Variants in MARCHF1 observed in about 807,000 individuals in gnomAD.
MARCHF1 encodes E3 ubiquitin-protein ligase MARCHF1.
Under a neutral mutation model 54.2 loss-of-function variants are expected in MARCHF1, and 40 were observed. The ratio of observed to expected loss-of-function variants is 0.74; its 90% CI spans 0.57 to 0.96. The LOEUF is 0.96. Among genes scored for constraint, MARCHF1 ranks in the 40% least tolerant of loss-of-function variants. The pLI, the probability that MARCHF1 is intolerant of heterozygous loss-of-function variation, is 0.00. For missense variants in MARCHF1, 586 were observed against 656.5 expected (o/e 0.89, Z 1.17); for synonymous variants, 236 against 236.3 (o/e 1.00, Z 0.01).
chr4:163,796,141 C>T (rs753669731), intron 4 of MARCHF1, among the ~76,000 whole-genome samples: 1 of 151,402 alleles, frequency 6.6e-6, no homozygotes, highest in Admixed American at 6.6e-5. Flanking sequence ...CAGGAAGTTC[C>T]AAGTTGTGTT....
At chr4:163,545,848 A>G in intron 8 of MARCHF1, 105 bp from the exon 9 acceptor site, 1 of 926,364 alleles carries the variant, frequency 1.1e-6, no homozygotes, top group Non-Finnish European at 1.7e-6. Context: ...AACAGTAAAT[A>G]TCTGCAATTT....
chr4:163,673,466 A>C (rs531795323), intron 5 of MARCHF1, among the ~76,000 whole-genome samples: 25 of 152,248 alleles, frequency 1.6e-4, no homozygotes, highest in Non-Finnish European at 3.2e-4. Flanking sequence ...ATGTTCCAAT[A>C]ATAAAAACAG....
rs150021875 is a variant in MARCHF1 at position 164,011,716 on chromosome 4, T to C, written c.-247-23007A>G. 3.5e-3 allele frequency among the ~76,000 whole-genome samples: 533 copies of C among 152,290 alleles called. 5 individuals carry two copies. Among genetic ancestry groups the C allele is most frequent in the African/African-American group, 0.012 (488 of 41,558 alleles). ...AGCTATTACAGAGTCAGTATGAAGG[T>C]TCCCCCAAAAAACTAAGAATAGCAC... On this transcript the variant is annotated intron_variant, in intron 2 of 9. Transcript: ENST00000514618.
At chr4:164,381,833 CAT>C (rs1731380584) in intron 1 of MARCHF1, among the ~76,000 whole-genome samples, 1 of 152,082 alleles carries the variant, frequency 6.6e-6, no homozygotes, top group South Asian at 2.1e-4. Flanking sequence ...ATCATAAAAA[CAT>C]AGTACAACAA....
chr4:164,125,700 C>A (rs1016458185), intron 1 of MARCHF1, among the ~76,000 whole-genome samples: 2 of 152,170 alleles, frequency 1.3e-5, no homozygotes, highest in South Asian at 2.1e-4. Flanking sequence ...CAGCCTGTGG[C>A]CTTTAAGAAC....
chr4:164,154,586 C>CGGGAAA (rs1303658871), intron 1 of MARCHF1, among the ~76,000 whole-genome samples: 1 of 152,170 alleles, frequency 6.6e-6, no homozygotes, highest in Non-Finnish European at 1.5e-5. Flanking sequence ...AAACCCCTTA[C>CGGGAAA]GGGACGGGAA....
intron 5 of MARCHF1, among the ~76,000 whole-genome samples, chr4:163,699,848 C>T (rs1744750558): frequency 6.6e-6 from 1 of 152,070 alleles, no homozygotes; most frequent in African/African-American, 2.4e-5. Context: ...TAAAGAATAG[C>T]TCTTACATTT....
intron 5 of MARCHF1, among the ~76,000 whole-genome samples, chr4:163,636,513 A>C (rs1427493476): frequency 1.3e-5 from 2 of 148,770 alleles, no homozygotes; most frequent in Non-Finnish European, 3.0e-5. Flanking sequence ...AAAGAGAATA[A>C]AATACCTAGG....
intron 1 of MARCHF1, among the ~76,000 whole-genome samples, chr4:164,180,901 C>A (rs1269503422): frequency 1.3e-5 from 2 of 152,190 alleles, no homozygotes; most frequent in Non-Finnish European, 2.9e-5. Flanking sequence ...AACCATGCAA[C>A]AGCCTTCTCA....
chr4:163,854,217 G>A lies in MARCHF1; in HGVS notation c.-38-48C>T. ...GAAACAGGTCACTTATTTTAGCTGT[G>A]TTTTGGAAAATACATATAATCAAAA... is the stretch of plus-strand genomic sequence containing the variant. On this transcript the variant is annotated intron_variant, in intron 3 of 9. Coordinates refer to ENST00000514618, the MANE Select transcript of MARCHF1 (RefSeq NM_001394959.1). The A allele has an allele frequency of 3.7e-6, 5 of 1,339,744 alleles. No homozygotes were observed. In the South Asian group the frequency reaches 8.1e-5, roughly 22 times the overall value. The allele number at this position is 1,339,744 out of a possible 1,614,324, so 83.0% of individuals were successfully genotyped here.
At chr4:163,787,450 T>G (rs751447464) in intron 4 of MARCHF1, among the ~76,000 whole-genome samples, 38 of 151,514 alleles carry the variant, frequency 2.5e-4, no homozygotes, top group Admixed American at 4.6e-4. Context: ...GACATACAAA[T>G]AGCCAACAAA....
Position 163,612,287 on chromosome 4 carries a change from T to G in MARCHF1, c.994A>C (p.Asn332His). The G allele has an allele frequency of 1.3e-6, 2 of 1,509,786 alleles. No individual in the cohort carries two copies. Among genetic ancestry groups the G allele is most frequent in the South Asian group, 1.3e-5 (1 of 78,816 alleles). The allele number at this position is 1,509,786 out of a possible 1,614,324, so 93.5% of individuals were successfully genotyped here. Residue 332 changes from asparagine to histidine, a missense_variant, in exon 7 of 10, where the codon AAT becomes CAT. Asn to His is a moderately conservative substitution (Grantham distance 68, BLOSUM62 1). This residue lies in a region of MARCHF1 where 387 missense variants were observed against 394.6 expected (regional missense o/e 0.98). Coordinates refer to ENST00000514618, the MANE Select transcript of MARCHF1 (RefSeq NM_001394959.1). ...GTGACTGACCTGCATACTTCTAAATTATCAGACCCATCGTCATAGGTGGCA... is the reference window on the plus strand; with the variant it reads ...GTGACTGACCTGCATACTTCTAAATGATCAGACCCATCGTCATAGGTGGCA... ...PPATYDDGSD[N>H]LEVCRICHCE...
intron 1 of MARCHF1, among the ~76,000 whole-genome samples, chr4:164,320,953 T>A (rs974359785): frequency 6.6e-6 from 1 of 152,084 alleles, no homozygotes; most frequent in East Asian, 1.9e-4. Context: ...GGAATAGAGA[T>A]CTTATACAGC....
intron 4 of MARCHF1, among the ~76,000 whole-genome samples, chr4:163,760,202 C>A (rs2110820895): frequency 6.6e-6 from 1 of 152,348 alleles, no homozygotes; most frequent in East Asian, 1.9e-4. Flanking sequence ...CATGGCTGAT[C>A]TGCTCCTTCT....
intron 4 of MARCHF1, among the ~76,000 whole-genome samples, chr4:163,777,252 A>C (rs1172239593): frequency 6.6e-6 from 1 of 152,178 alleles, no homozygotes; most frequent in Non-Finnish European, 1.5e-5. Context: ...TTTTCTGAGA[A>C]TATAAATTCC....
At chr4:164,163,621 A>C (rs1730297248) in intron 1 of MARCHF1, among the ~76,000 whole-genome samples, 1 of 151,942 alleles carries the variant, frequency 6.6e-6, no homozygotes, top group African/African-American at 2.4e-5. Context: ...ATACAACTGG[A>C]AAAATAAAGA....
chr4:164,156,416 TTG>T (rs1730078853), intron 1 of MARCHF1, among the ~76,000 whole-genome samples: 1 of 144,566 alleles, frequency 6.9e-6, no homozygotes, highest in South Asian at 2.1e-4. Flanking sequence ...ACTCAAATTC[TTG>T]TGTTTTTTTA....
At chr4:163,811,418 C>T (rs1019059311) in intron 4 of MARCHF1, among the ~76,000 whole-genome samples, 4 of 151,828 alleles carry the variant, frequency 2.6e-5, no homozygotes, top group African/African-American at 9.7e-5. Flanking sequence ...ACCTATAGTC[C>T]CAGCTACTTG....
intron 3 of MARCHF1, among the ~76,000 whole-genome samples, chr4:163,908,364 G>A (rs1751116893): frequency 6.6e-6 from 1 of 152,040 alleles, no homozygotes. Context: ...AAGAGAGAGA[G>A]AGGAGAAAAA....
Sources: allele counts gnomAD v4.1 joint callset (sites outside exome capture counted in the v4.1 genomes callset), GRCh38; gene constraint gnomAD v4.1.1; regional missense constraint gnomAD v4.1.1; transcripts MANE v1.5; gene names NCBI Gene and HGNC (gene_info 2026-07-23, HGNC 2026-07-21).